The following GDPD3 variants were observed in gnomAD, a reference collection of about 807,000 sequenced individuals.
GDPD3 encodes the protein glycerophosphodiester phosphodiesterase domain containing 3.
In GDPD3, 40 loss-of-function variants were observed where a neutral mutation model predicts 43.7. The ratio of observed to expected loss-of-function variants is 0.91; its 90% CI spans 0.71 to 1.19. GDPD3 has a LOEUF of 1.19. Among genes scored for constraint, GDPD3 ranks in the 50% most tolerant of loss-of-function variants. The pLI is 0.00. For synonymous variants in GDPD3, 145 were observed against 162.9 expected (o/e 0.89, Z 0.84); for missense variants, 363 against 415.8 (o/e 0.87, Z 1.11).
chr16:30,112,195 G>A lies in GDPD3; in HGVS notation c.510C>T (p.Asp170=). The change falls in exon 6 of 10, where the codon GAC becomes GAT. Residue 170 remains aspartate, a synonymous_variant. Transcript: ENST00000406256. The surrounding 1 kb of genome is among the most constrained non-coding windows in gnomAD (Gnocchi z 5.4). ...REIAGLVRRY[D]RNEITIWASE... ...AGGCCCAGATGGTGATTTCATTACGGTCATAGCGTCTCACCAAGCCTGCTA... is the reference window on the plus strand; with the variant it reads ...AGGCCCAGATGGTGATTTCATTACGATCATAGCGTCTCACCAAGCCTGCTA... 2 of 1,614,134 alleles carry A rather than the reference G, an allele frequency of 1.2e-6. No individual in the cohort carries two copies. The highest frequency in any genetic ancestry group is 1.7e-6 in the Non-Finnish European group (2 of 1,180,020).
At chr16:30,108,587 C>A in intron 7 of GDPD3, 155 bp from the exon 8 acceptor site, 1 of 668,014 alleles carries the variant, frequency 1.5e-6, no homozygotes, top group East Asian at 2.7e-5. Context: ...GTGAACAATT[C>A]ACCCATTGTT....
chr16:30,112,581 G>A lies in GDPD3; in HGVS notation c.319-13C>T. 6.2e-7 allele frequency: 1 copy of A among 1,614,164 alleles called. No individual in the cohort carries two copies. The highest frequency in any genetic ancestry group is 8.5e-7 in the Non-Finnish European group (1 of 1,179,994). ...AGAGGGGCAGGTCCTGGGGAGGACA[G>A]GAAGGATGTCACTAGAGGCCCGCAT... On this transcript the variant is annotated splice_polypyrimidine_tract_variant and intron_variant, in intron 3 of 9. Transcript: ENST00000406256. This position sits in a 1 kb window ranked among gnomAD's most constrained non-coding sequence, Gnocchi z 5.4.
At position 30,112,859 on chromosome 16, in the gene GDPD3, A is replaced by T; in HGVS notation, c.183-66T>A. The T allele has an allele frequency of 6.4e-7, 1 of 1,572,600 alleles. No homozygotes were observed. The highest frequency in any genetic ancestry group is 8.7e-7 in the Non-Finnish European group (1 of 1,150,452). ...TGGGATGAGGGGCATGGTGGCTGGGAGGTGGCCGGGAATGTGAGAGCGGAG... is the reference window on the plus strand; with the variant it reads ...TGGGATGAGGGGCATGGTGGCTGGGTGGTGGCCGGGAATGTGAGAGCGGAG... On this transcript the variant is annotated intron_variant, in intron 2 of 9. Transcript: ENST00000406256. The surrounding 1 kb of genome is among the most constrained non-coding windows in gnomAD (Gnocchi z 5.4).
chr16:30,109,445 G>A (rs1395686742), intron 7 of GDPD3, among the ~76,000 whole-genome samples: 1 of 152,094 alleles, frequency 6.6e-6, no homozygotes, highest in Non-Finnish European at 1.5e-5. Flanking sequence ...GGAGGCGGAG[G>A]TTTCAGTGAG....
At chr16:30,108,034 T>C (rs957157832) in intron 9 of GDPD3, 179 bp downstream of exon 9, 12 of 557,472 alleles carry the variant, frequency 2.2e-5, no homozygotes, top group Middle Eastern at 9.6e-4. Context: ...GAAAATTGTG[T>C]GTGTTCGTGT....
rs181808403 is a variant in GDPD3, at chr16:30,108,186, C to T, written c.819+27G>A. On this transcript the variant is annotated intron_variant, in intron 9 of 9. Coordinates refer to ENST00000406256, the MANE Select transcript of GDPD3 (RefSeq NM_024307.3). ...GGAACCCTGCTGCCAGGTCTGTGTG[C>T]GGTGGAAGTGGTGGTCACGGCCTCA... is the stretch of plus-strand genomic sequence containing the variant. 8.3e-6 allele frequency: 13 copies of T among 1,560,088 alleles called. No individual in the cohort carries two copies. The East Asian group carries it at 9.0e-5, about 11-fold the overall frequency.
chr16:30,105,163 G>C (rs1038929447), intron 9 of GDPD3, among the ~76,000 whole-genome samples, 154 bp from the exon 10 acceptor site: 2 of 152,186 alleles, frequency 1.3e-5, no homozygotes, highest in Non-Finnish European at 2.9e-5. Context: ...ATTAAACCCA[G>C]CCATTATTAA....
At chr16:30,106,265 G>C (rs1164475725) in intron 9 of GDPD3, among the ~76,000 whole-genome samples, 1 of 152,122 alleles carries the variant, frequency 6.6e-6, no homozygotes, top group African/African-American at 2.4e-5. Context: ...TACATGATGG[G>C]GTGCCACCAT....
At position 30,111,242 on chromosome 16, in the gene GDPD3, A is replaced by G; in HGVS notation, c.707+146T>C. 5.6e-6 allele frequency: 5 copies of G among 886,798 alleles called. 1 individual carries two copies. The highest frequency in any genetic ancestry group is 5.0e-5 in the South Asian group (3 of 60,090). The allele number at this position is 886,798 out of a possible 1,614,324, so 54.9% of individuals were successfully genotyped here. On this transcript the variant is annotated intron_variant, in intron 7 of 9. Transcript: ENST00000406256. ...GGTGTTCACAGTTCCCTTAGTATTC[A>G]TGAATGCTGGGTAAGAACCACTGTC...
In GDPD3 at chr16:30,112,517, T is replaced by C. The variant is rs2072909971; in HGVS notation, c.364+6A>G. ...CCCAGGCAGGGCTCGAAGCCCTTGC[T>C]CTCACCTGGAGAGAAGTAAACCTCC... On this transcript the variant is annotated splice_donor_region_variant and intron_variant, in intron 4 of 9. Coordinates refer to ENST00000406256, the MANE Select transcript of GDPD3 (RefSeq NM_024307.3). This position sits in a 1 kb window ranked among gnomAD's most constrained non-coding sequence, Gnocchi z 5.4. 1 of 1,614,102 alleles carries C rather than the reference T, an allele frequency of 6.2e-7. No individual in the cohort carries two copies. Among genetic ancestry groups the C allele is most frequent in the Non-Finnish European group, 8.5e-7 (1 of 1,180,002 alleles).
chr16:30,112,818 G>C lies in GDPD3; in HGVS notation c.183-25C>G, dbSNP rs781121631. ...GCTGTGGGGGTGAAGGTCAGCGGGG[G>C]GCAGGGGCAGGGGACTGGGATGAGG... On this transcript the variant is annotated intron_variant, in intron 2 of 9. Coordinates refer to ENST00000406256, the MANE Select transcript of GDPD3 (RefSeq NM_024307.3). The surrounding 1 kb of genome is among the most constrained non-coding windows in gnomAD (Gnocchi z 5.4). 6.2e-7 allele frequency: 1 copy of C among 1,602,572 alleles called. No individual in the cohort carries two copies. The highest frequency in any genetic ancestry group is 1.1e-5 in the South Asian group (1 of 91,022).
intron 9 of GDPD3, 88 bp downstream of exon 9, chr16:30,108,125 C>G: frequency 8.3e-7 from 1 of 1,205,200 alleles, no homozygotes. Flanking sequence ...GGTCACCTGC[C>G]CGAGTGATGC....
At chr16:30,106,398 A>G (rs2072861171) in intron 9 of GDPD3, among the ~76,000 whole-genome samples, 1 of 152,108 alleles carries the variant, frequency 6.6e-6, no homozygotes, top group African/African-American at 2.4e-5. Flanking sequence ...CCTCTCTGAG[A>G]GCTAGTTGTT....
intron 9 of GDPD3, among the ~76,000 whole-genome samples, chr16:30,105,763 A>G (rs2072856084): frequency 1.4e-5 from 2 of 145,152 alleles, no homozygotes; most frequent in Admixed American, 6.9e-5. Context: ...TCGGCCTCCC[A>G]AAGTGCTGGG....
At position 30,108,205 on chromosome 16, in the gene GDPD3, G is replaced by A. The variant is rs775245754; in HGVS notation, c.819+8C>T. ...TGTGTGCGGTGGAAGTGGTGGTCAC[G>A]GCCTCACCTGCACCCCTCGCTCCTC... On this transcript the variant is annotated splice_region_variant and intron_variant, in intron 9 of 9. Coordinates refer to ENST00000406256, the MANE Select transcript of GDPD3 (RefSeq NM_024307.3). 3 of 1,586,922 alleles carry A rather than the reference G, an allele frequency of 1.9e-6. No homozygotes were observed. The highest frequency in any genetic ancestry group is 1.7e-5 in the Admixed American group (1 of 58,800).
chr16:30,112,108 C>T lies in GDPD3; in HGVS notation c.573+24G>A, dbSNP rs371804718. ...AGGGGCCCCTGGAGGAGGAAGAGGA[C>T]GGGGGAGGGGTGGGGGGACTCACGG... is the stretch of plus-strand genomic sequence containing the variant. On this transcript the variant is annotated intron_variant, in intron 6 of 9. Transcript: ENST00000406256. The surrounding 1 kb of genome is among the most constrained non-coding windows in gnomAD (Gnocchi z 5.4). 6.0e-5 allele frequency: 90 copies of T among 1,501,260 alleles called. No individual in the cohort carries two copies. The highest frequency in any genetic ancestry group is 5.2e-4 in the African/African-American group (37 of 70,766). The allele number at this position is 1,501,260 out of a possible 1,614,324, so 93.0% of individuals were successfully genotyped here.
In GDPD3 at chr16:30,113,208, C is replaced by G; in HGVS notation, c.139+132G>C. On this transcript the variant is annotated intron_variant, in intron 1 of 9. Coordinates refer to ENST00000406256, the MANE Select transcript of GDPD3 (RefSeq NM_024307.3). This position sits in a 1 kb window ranked among gnomAD's most constrained non-coding sequence, Gnocchi z 5.9. ...CCCAGGCTGCGCCAGCATCTTCTTC[C>G]TCGTCCACACCCTGCCCTGCCACTT... The G allele has an allele frequency of 7.2e-7, 1 of 1,390,814 alleles. No individual in the cohort carries two copies. The highest frequency in any genetic ancestry group is 9.9e-7 in the Non-Finnish European group (1 of 1,015,136). 86.2% of individuals were successfully genotyped at this position (1,390,814 alleles called of 1,614,324 possible).
chr16:30,111,783 A>G (rs926421773), intron 6 of GDPD3: 5 of 521,206 alleles, frequency 9.6e-6, no homozygotes, highest in Admixed American at 6.8e-5. Context: ...AAATACAAAA[A>G]TTAGCTGGGC....
At chr16:30,111,661 G>A in intron 6 of GDPD3, 140 bp from the exon 7 acceptor site, 1 of 905,888 alleles carries the variant, frequency 1.1e-6, no homozygotes, top group Non-Finnish European at 1.7e-6. Flanking sequence ...GGCTGGGTGT[G>A]GTGGCTCACG....
Sources: allele counts gnomAD v4.1 joint callset (sites outside exome capture counted in the v4.1 genomes callset), GRCh38; gene constraint gnomAD v4.1.1; non-coding constraint Gnocchi (gnomAD v3.1); transcripts MANE v1.5; gene names NCBI Gene and HGNC (gene_info 2026-07-23, HGNC 2026-07-21).